Variants in WAPL observed in about 807,000 individuals in gnomAD.
WAPL encodes the protein wings apart-like protein homolog.
A neutral mutation model predicts 121.0 loss-of-function variants in WAPL; 5 were observed. The observed-to-expected ratio is 0.04, with a 90% CI of 0.02 to 0.09. The LOEUF (loss-of-function observed/expected upper bound fraction) is 0.09, where lower values mean the gene tolerates loss of function less well. Among genes scored for constraint, WAPL ranks in the 10% least tolerant of loss-of-function variants. The pLI, the probability that WAPL is intolerant of heterozygous loss-of-function variation, is 1.00. For missense variants in WAPL, 999 were observed against 1,410.8 expected, an observed-to-expected ratio of 0.71 and a Z score of 4.68; for synonymous variants, 480 against 481.5, an observed-to-expected ratio of 1.00 and a Z score of 0.04.
At chr10:86,447,685 T>C (rs1849658407) in intron 15 of WAPL, among the ~76,000 whole-genome samples, 1 of 152,176 alleles carries the variant, frequency 6.6e-6, no homozygotes, top group African/African-American at 2.4e-5. Flanking sequence ...GCATATCAAC[T>C]TTAAATACAG....
chr10:86,513,616 A>G (rs1429552893), intron 2 of WAPL, among the ~76,000 whole-genome samples: 1 of 152,228 alleles, frequency 6.6e-6, no homozygotes, highest in African/African-American at 2.4e-5. Flanking sequence ...CACCCGCAAC[A>G]AAATTTTTAA....
intron 1 of WAPL, among the ~76,000 whole-genome samples, chr10:86,521,045 C>G (rs1252908900): frequency 6.6e-6 from 1 of 152,116 alleles, no homozygotes; most frequent in Non-Finnish European, 1.5e-5. Context: ...CCGGAAGCCT[C>G]TGCCACCGAA....
Position 86,436,796 on chromosome 10 carries a change from A to C in WAPL, c.*747T>G, listed in dbSNP as rs1849334448. 3 of 152,650 alleles carry C rather than the reference A, an allele frequency of 2.0e-5. No individual in the cohort carries two copies. In the South Asian group the frequency reaches 6.2e-4, roughly 32 times the overall value. The allele number at this position is 152,650 out of a possible 1,614,324, so 9.5% of individuals were successfully genotyped here. ...TCCTTTTAACAGGGCACATCATCTTATATAATATTCTCTCAAACTGTTGTT... is the reference window on the plus strand; with the variant it reads ...TCCTTTTAACAGGGCACATCATCTTCTATAATATTCTCTCAAACTGTTGTT... On this transcript the variant is annotated 3_prime_UTR_variant, in exon 19 of 19. Transcript: ENST00000298767.
intron 2 of WAPL, among the ~76,000 whole-genome samples, chr10:86,510,483 G>A (rs1589540658): frequency 6.6e-6 from 1 of 152,344 alleles, no homozygotes; most frequent in East Asian, 1.9e-4. Context: ...ATCATGACCA[G>A]CAGAAGTCAG....
chr10:86,457,143 G>A (rs1461756546), intron 12 of WAPL, among the ~76,000 whole-genome samples: 1 of 152,034 alleles, frequency 6.6e-6, no homozygotes, highest in East Asian at 1.9e-4. Context: ...AATAATCTTT[G>A]GTAAGGAAGG....
At chr10:86,442,805 C>A (rs1849502024) in intron 17 of WAPL, among the ~76,000 whole-genome samples, 1 of 151,984 alleles carries the variant, frequency 6.6e-6, no homozygotes. Flanking sequence ...TTTGGGAGTC[C>A]AAGGCAGGCG....
At chr10:86,447,659 G>C (rs1849657512) in intron 15 of WAPL, among the ~76,000 whole-genome samples, 1 of 152,146 alleles carries the variant, frequency 6.6e-6, no homozygotes. Context: ...TTGGTGATGA[G>C]GGTGGGAGGA....
Position 86,472,178 on chromosome 10 carries a change from T to TA in WAPL, c.2030+29dup. 1 of 1,531,052 alleles carries TA rather than the reference T, an allele frequency of 6.5e-7. No homozygotes were observed. The highest frequency in any genetic ancestry group is 1.3e-5 in the South Asian group (1 of 76,076). The allele number at this position is 1,531,052 out of a possible 1,614,324, so 94.8% of individuals were successfully genotyped here. ...GAAAAAATTTAATACAGCATGCACA[T>TA]AATTGTAAAATATAAAAATAAGATC... is the stretch of plus-strand genomic sequence containing the variant. On this transcript the variant is annotated intron_variant, in intron 7 of 18. Coordinates refer to ENST00000298767, the MANE Select transcript of WAPL (RefSeq NM_015045.5). This position sits in a 1 kb window ranked among gnomAD's most constrained non-coding sequence, Gnocchi z 4.2.
At chr10:86,479,720 A>T (rs1023124490) in intron 4 of WAPL, among the ~76,000 whole-genome samples, 2 of 152,256 alleles carry the variant, frequency 1.3e-5, no homozygotes, top group East Asian at 3.8e-4. Flanking sequence ...ATCAATCAGC[A>T]CGAAGTACAA....
intron 2 of WAPL, among the ~76,000 whole-genome samples, chr10:86,509,530 C>T (rs1842414632): frequency 6.6e-6 from 1 of 152,166 alleles, no homozygotes; most frequent in Non-Finnish European, 1.5e-5. Context: ...CTTTTCAGCA[C>T]ACTTGTGATT....
At chr10:86,454,943 G>A (rs1341316726) in intron 12 of WAPL, among the ~76,000 whole-genome samples, 1 of 151,430 alleles carries the variant, frequency 6.6e-6, no homozygotes, top group Non-Finnish European at 1.5e-5. Flanking sequence ...TGAGAAGTGA[G>A]GAGCCCCTCC....
chr10:86,467,649 C>T lies in WAPL; in HGVS notation c.2143-143G>A, dbSNP rs148350038. The T allele has an allele frequency of 2.7e-4, 167 of 618,364 alleles. 1 individual carries two copies. The highest frequency in any genetic ancestry group is 2.5e-3 in the African/African-American group (130 of 52,736). 38.3% of individuals were successfully genotyped at this position (618,364 alleles called of 1,614,324 possible). On this transcript the variant is annotated intron_variant, in intron 8 of 18. Transcript: ENST00000298767. ...CTAACCATGTTGGAAACTTCAAAAA[C>T]GTTTTATTCAGCGGTCCCTCTAAAA...
Position 86,472,564 on chromosome 10 carries a change from A to G in WAPL, c.1893+48T>C, listed in dbSNP as rs777753578. The G allele has an allele frequency of 2.9e-5, 46 of 1,591,274 alleles. No individual in the cohort carries two copies. In the Admixed American group the frequency reaches 7.3e-4, roughly 25 times the overall value. ...AAGATATTAAATGGCTAAATGTTAC[A>G]TACAAAAATCTATCAACATGCAGTA... On this transcript the variant is annotated intron_variant, in intron 6 of 18. Coordinates refer to ENST00000298767, the MANE Select transcript of WAPL (RefSeq NM_015045.5). The surrounding 1 kb of genome is among the most constrained non-coding windows in gnomAD (Gnocchi z 4.2).
rs182905996 is a variant in WAPL, at chr10:86,436,190, C to G, written c.*1353G>C. ...AAGAGCCCCGATTTGTCACTTTATACAAGGAAATAACAAAGTCTAAATGGG... is the reference window on the plus strand; with the variant it reads ...AAGAGCCCCGATTTGTCACTTTATAGAAGGAAATAACAAAGTCTAAATGGG... On this transcript the variant is annotated 3_prime_UTR_variant, in exon 19 of 19. Transcript: ENST00000298767. 7 of 152,696 alleles carry G rather than the reference C, an allele frequency of 4.6e-5. No individual in the cohort carries two copies. The highest frequency in any genetic ancestry group is 1.0e-4 in the Non-Finnish European group (7 of 68,008). 9.5% of individuals were successfully genotyped at this position (152,696 alleles called of 1,614,324 possible).
chr10:86,463,042 T>C (rs1352974272), intron 9 of WAPL, among the ~76,000 whole-genome samples: 1 of 152,254 alleles, frequency 6.6e-6, no homozygotes, highest in Non-Finnish European at 1.5e-5. Flanking sequence ...TACTATAAGC[T>C]AGCATTTAAA....
intron 1 of WAPL, 64 bp from the exon 2 acceptor site, chr10:86,518,155 A>C (rs1842597138): frequency 6.9e-7 from 1 of 1,456,374 alleles, no homozygotes; most frequent in Non-Finnish European, 9.1e-7. Context: ...GTGCATATAA[A>C]AATAAAAACC....
chr10:86,518,237 T>G, intron 1 of WAPL, 146 bp from the exon 2 acceptor site: 3 of 805,782 alleles, frequency 3.7e-6, no homozygotes, highest in Non-Finnish European at 5.6e-6. Context: ...GAGGAAGGGG[T>G]ATAAAGAAAG....
At position 86,479,819 on chromosome 10, in the gene WAPL, GA is replaced by G. The variant is rs1841740629; in HGVS notation, c.1645-5847del. 4.6e-5 allele frequency among the ~76,000 whole-genome samples: 7 copies of G among 151,958 alleles called. No homozygotes were observed. The South Asian group carries it at 1.2e-3, about 27-fold the overall frequency. On this transcript the variant is annotated intron_variant, in intron 4 of 18. Transcript: ENST00000298767. ...AGCGGCAATTCAAAAGGGGGAAGTA[GA>G]AAAAAACAATTTGGATCTGGATTGT...
chr10:86,465,984 C>G (rs1370528407), intron 9 of WAPL, among the ~76,000 whole-genome samples: 1 of 151,496 alleles, frequency 6.6e-6, no homozygotes, highest in African/African-American at 2.4e-5. Flanking sequence ...CTTCTACTGG[C>G]CTAGAAGTGG....
Sources: gnomAD v4.1 joint callset for allele counts (sites outside exome capture counted in the v4.1 genomes callset) on GRCh38, gnomAD v4.1.1 for gene constraint, Gnocchi (gnomAD v3.1) non-coding constraint, MANE v1.5 for transcripts, NCBI Gene and HGNC (gene_info 2026-07-23, HGNC 2026-07-21) for gene names.